Variants in GLB1L2 observed in about 807,000 individuals in gnomAD.
The protein encoded by GLB1L2 is beta-galactosidase-1-like protein 2.
A neutral mutation model predicts 84.1 loss-of-function variants in GLB1L2; 68 were observed. That is an observed-to-expected ratio of 0.81 (90% confidence interval 0.67 to 0.99). GLB1L2 has a LOEUF of 0.99. Among genes scored for constraint, GLB1L2 ranks in the 50% least tolerant of loss-of-function variants. The pLI is 0.00. For synonymous variants in GLB1L2, 290 were observed against 318.0 expected (o/e 0.91, Z 0.94); for missense variants, 762 against 805.6 (o/e 0.95, Z 0.66).
chr11:134,351,928 A>C (rs149372205), intron 5 of GLB1L2, among the ~76,000 whole-genome samples: 243 of 152,306 alleles, frequency 1.6e-3, no homozygotes, highest in African/African-American at 5.5e-3. Flanking sequence ...AAGAAAAGTG[A>C]AAAGAGTTTA....
chr11:134,359,219 G>T, intron 7 of GLB1L2, 78 bp downstream of exon 7: 1 of 951,736 alleles, frequency 1.1e-6, no homozygotes, highest in South Asian at 1.7e-5. Flanking sequence ...GTGGGACTGC[G>T]ACCCAAGTAG....
intron 7 of GLB1L2, 73 bp downstream of exon 7, chr11:134,359,214 A>T: frequency 9.9e-7 from 1 of 1,006,742 alleles, no homozygotes; most frequent in East Asian, 2.6e-5. Context: ...CCGCTGTGGG[A>T]CTGCGACCCA....
At chr11:134,350,579 C>G (rs1943613263) in intron 5 of GLB1L2, among the ~76,000 whole-genome samples, 1 of 152,182 alleles carries the variant, frequency 6.6e-6, no homozygotes, top group African/African-American at 2.4e-5. Context: ...AAGTTAAAAC[C>G]AGGTACTGTG....
Position 134,373,718 on chromosome 11 carries a change from C to G in GLB1L2, c.1508-3C>G. ...ACCCACGTGTCCTGCCTCCCTCCCA[C>G]AGGCTTAATTGGAAATCTCTATCTG... On this transcript the variant is annotated splice_polypyrimidine_tract_variant and splice_region_variant and intron_variant, in intron 15 of 18. Transcript: ENST00000535456. The G allele has an allele frequency of 6.2e-7, 1 of 1,605,792 alleles. No individual in the cohort carries two copies. Among genetic ancestry groups the G allele is most frequent in the Non-Finnish European group, 8.5e-7 (1 of 1,173,390 alleles).
chr11:134,332,084 G>C lies in GLB1L2; in HGVS notation c.23G>C (p.Arg8Pro). 1 of 1,585,986 alleles carries C rather than the reference G, an allele frequency of 6.3e-7. No individual in the cohort carries two copies. Among genetic ancestry groups the C allele is most frequent in the East Asian group, 2.3e-5 (1 of 42,858 alleles). The change falls in exon 1 of 19, where the codon CGG becomes CCG. Residue 8 changes from arginine to proline, a missense_variant. Coordinates refer to ENST00000535456, the MANE Select transcript of GLB1L2 (RefSeq NM_001370461.1). MTTWSLR[R>P]RPARTLGLLL... ...GCGATGACCACGTGGAGCCTCCGGC[G>C]GAGGCCGGCCCGCACGCTGGGACTC... is the stretch of plus-strand genomic sequence containing the variant.
At chr11:134,353,778 A>G (rs887778768) in intron 5 of GLB1L2, among the ~76,000 whole-genome samples, 1 of 152,130 alleles carries the variant, frequency 6.6e-6, no homozygotes, top group Admixed American at 6.6e-5. Flanking sequence ...ATCATTATAT[A>G]TATTTTATCA....
chr11:134,353,440 G>A (rs897822137), intron 5 of GLB1L2, among the ~76,000 whole-genome samples: 5 of 151,986 alleles, frequency 3.3e-5, no homozygotes, highest in Admixed American at 1.3e-4. Flanking sequence ...ATTAAGGCTT[G>A]TTTTTTTGGC....
chr11:134,336,530 T>C (rs1345738250), intron 1 of GLB1L2, among the ~76,000 whole-genome samples: 2 of 152,242 alleles, frequency 1.3e-5, no homozygotes, highest in Non-Finnish European at 2.9e-5. Context: ...TAAACAAAGC[T>C]GCTGCAGATA....
In GLB1L2 at chr11:134,370,191, A is replaced by G. The variant is rs1943929129; in HGVS notation, c.1109-102A>G. On this transcript the variant is annotated intron_variant, in intron 11 of 18. Transcript: ENST00000535456. This position sits in a 1 kb window ranked among gnomAD's most constrained non-coding sequence, Gnocchi z 4.7. The stretch of plus-strand genomic sequence containing the variant: ...GCCTGTTGTTCCTCTTGGTGCTGGG[A>G]CGCAGGAGCACATCGGGTCTGTGGA... 3 of 956,572 alleles carry G rather than the reference A, an allele frequency of 3.1e-6. No individual in the cohort carries two copies. Among genetic ancestry groups the G allele is most frequent in the Non-Finnish European group, 5.1e-6 (3 of 593,476 alleles). The allele number at this position is 956,572 out of a possible 1,614,324, so 59.3% of individuals were successfully genotyped here. A position where few individuals can be genotyped will look rare whatever the true frequency, so the allele number is the denominator to read the frequency against.
chr11:134,371,467 C>T lies in GLB1L2; in HGVS notation c.1403C>T (p.Thr468Met), dbSNP rs371241727. ...VSIGFLDYKT[T>M]KIAVPLIQGY... is the part of the protein sequence containing the mutation. ...ATAGGATTCTTGGACTACAAGACAA[C>T]GAAGATTGCTGTCCCCCTGATCCAG... The change falls in exon 14 of 19, where the codon ACG (threonine) becomes ATG (methionine). Residue 468 changes from threonine (T) to methionine (M), a missense_variant. This residue lies in a region of GLB1L2 where 603 missense variants were observed against 611.7 expected (regional missense o/e 0.99). Transcript: ENST00000535456. 3.6e-5 allele frequency: 58 copies of T among 1,596,350 alleles called. No homozygotes were observed. The highest frequency in any genetic ancestry group is 1.1e-4 in the South Asian group (10 of 90,684).
At chr11:134,348,537 A>T (rs1943581691) in intron 5 of GLB1L2, among the ~76,000 whole-genome samples, 1 of 152,196 alleles carries the variant, frequency 6.6e-6, no homozygotes, top group Non-Finnish European at 1.5e-5. Context: ...ACGATAACAT[A>T]ATTATTATTA....
chr11:134,347,727 C>A (rs1249574167), intron 5 of GLB1L2, among the ~76,000 whole-genome samples: 32 of 152,198 alleles, frequency 2.1e-4, no homozygotes, highest in Non-Finnish European at 2.9e-5. Flanking sequence ...CGGGAACACG[C>A]ATCCACTGGC....
rs1419166275 is a variant in GLB1L2 at position 134,334,768 on chromosome 11, CT to C, written c.86+2626del. Among the ~76,000 whole-genome samples the C allele has an allele frequency of 1.3e-5, 2 of 152,068 alleles. No homozygotes were observed. The highest frequency in any genetic ancestry group is 4.8e-5 in the African/African-American group (2 of 41,406). On this transcript the variant is annotated intron_variant, in intron 1 of 18. Transcript: ENST00000535456. This position sits in a 1 kb window ranked among gnomAD's most constrained non-coding sequence, Gnocchi z 4.1. ...AATTGTAATCTTAAAGCATGTTTTCCTTTTTGGTCTGGCTTCTTTCACTCAG... is the reference window on the plus strand; with the variant it reads ...AATTGTAATCTTAAAGCATGTTTTCCTTTTGGTCTGGCTTCTTTCACTCAG...
rs1162759225 is a variant in GLB1L2 at position 134,347,235 on chromosome 11, G to GA, written c.450-90_450-89insA. On this transcript the variant is annotated intron_variant, in intron 4 of 18. Coordinates refer to ENST00000535456, the MANE Select transcript of GLB1L2 (RefSeq NM_001370461.1). ...GCACAGGTCATTCTGGAGCACTGGG[G>GA]GGCCTCTCCCTTCTCACGCATCAAC... The GA allele has an allele frequency of 8.7e-6, 8 of 915,008 alleles. No homozygotes were observed. In the South Asian group the frequency reaches 9.2e-5, roughly 11 times the overall value. The allele number at this position is 915,008 out of a possible 1,614,324, so 56.7% of individuals were successfully genotyped here.
intron 16 of GLB1L2, 80 bp downstream of exon 16, chr11:134,373,888 G>C (rs966136445): frequency 9.2e-7 from 1 of 1,084,330 alleles, no homozygotes; most frequent in Non-Finnish European, 1.4e-6. Context: ...CTGGTGCACC[G>C]TGGCCTGGCC....
chr11:134,362,430 A>T (rs1943808580), intron 7 of GLB1L2, among the ~76,000 whole-genome samples: 1 of 152,150 alleles, frequency 6.6e-6, no homozygotes. Flanking sequence ...GCTACCCAGC[A>T]GCTTAGGAAA....
chr11:134,371,349 C>G (rs1316326838), intron 13 of GLB1L2, 72 bp from the exon 14 acceptor site: 1 of 1,194,248 alleles, frequency 8.4e-7, no homozygotes, highest in Non-Finnish European at 1.3e-6. Context: ...TGCTGCCCTT[C>G]TTGGCCTGGA....
intron 1 of GLB1L2, among the ~76,000 whole-genome samples, chr11:134,342,144 C>T (rs1324421497): frequency 2.0e-5 from 3 of 151,908 alleles, no homozygotes; most frequent in East Asian, 3.9e-4. Flanking sequence ...TCCCTGGGGC[C>T]GACCCCGAGA....
At chr11:134,335,229 CT>C (rs11403985) in intron 1 of GLB1L2, among the ~76,000 whole-genome samples, 1,799 of 148,860 alleles carry the variant, frequency 0.012, 29 homozygotes, top group African/African-American at 0.04. Context: ...ATGCAGGTCA[CT>C]TTTTTTTTTT....
Sources: allele counts gnomAD v4.1 joint callset (sites outside exome capture counted in the v4.1 genomes callset), GRCh38; gene constraint gnomAD v4.1.1; regional missense constraint gnomAD v4.1.1; non-coding constraint Gnocchi (gnomAD v3.1); transcripts MANE v1.5; gene names NCBI Gene and HGNC (gene_info 2026-07-23, HGNC 2026-07-21).